The following NEK10 variants were observed in gnomAD, a reference collection of about 807,000 sequenced individuals.
The protein encoded by NEK10 is NIMA related kinase 10, also known as serine/threonine-protein kinase Nek10.
A neutral mutation model predicts 159.8 loss-of-function variants in NEK10; 122 were observed. That is an observed-to-expected ratio of 0.76 (90% confidence interval 0.66 to 0.89). The LOEUF (loss-of-function observed/expected upper bound fraction) is 0.89, where lower values mean the gene tolerates loss of function less well. Ranked by LOEUF, NEK10 falls within the 40% of genes least tolerant of loss-of-function variation. The probability of loss-of-function intolerance (pLI) is 0.00; values close to 1 mark genes in which losing one functional copy is unlikely to be tolerated. For synonymous variants in NEK10, 466 were observed against 457.1 expected, an observed-to-expected ratio of 1.02 and a Z score of -0.25; for missense variants, 1,342 against 1,323.1, an observed-to-expected ratio of 1.01 and a Z score of -0.22.
intron 30 of NEK10, among the ~76,000 whole-genome samples, chr3:27,156,128 A>C (rs1286175869): frequency 6.6e-6 from 1 of 152,104 alleles, no homozygotes; most frequent in Non-Finnish European, 1.5e-5. Flanking sequence ...CCCCATACAA[A>C]AATCAGCTCA....
chr3:27,225,025 G>A (rs1470811721), intron 23 of NEK10, among the ~76,000 whole-genome samples: 2 of 152,146 alleles, frequency 1.3e-5, no homozygotes, highest in Non-Finnish European at 2.9e-5. Context: ...GTATATAAAG[G>A]GGAGTTTATT....
At chr3:27,180,096 AAAAG>A (rs976729898) in intron 26 of NEK10, among the ~76,000 whole-genome samples, 3 of 151,190 alleles carry the variant, frequency 2.0e-5, no homozygotes, top group African/African-American at 7.3e-5. Flanking sequence ...AAAAAAGAAA[AAAAG>A]AAAGAAACAA....
chr3:27,168,158 T>C lies in NEK10; in HGVS notation c.2831+3661A>G, dbSNP rs555183822. ...ATGTACTTCCCTGTGACTTCTCTCA[T>C]TGGGCCTTTTTAAAGAGTCAGTAAG... On this transcript the variant is annotated intron_variant, in intron 29 of 35. Coordinates refer to ENST00000691995, the MANE Select transcript of NEK10 (RefSeq NM_001394966.1). Among the ~76,000 whole-genome samples the C allele has an allele frequency of 3.9e-5, 6 of 152,214 alleles. No individual in the cohort carries two copies. In the East Asian group the frequency reaches 5.8e-4, roughly 15 times the overall value.
intron 22 of NEK10, among the ~76,000 whole-genome samples, chr3:27,274,910 C>T (rs1044977672): frequency 2.0e-5 from 3 of 152,160 alleles, no homozygotes; most frequent in Non-Finnish European, 4.4e-5. Context: ...GTGAAAACAA[C>T]TCATCCAGAC....
intron 26 of NEK10, among the ~76,000 whole-genome samples, chr3:27,183,134 A>G (rs1045755570): frequency 2.0e-5 from 3 of 152,024 alleles, no homozygotes; most frequent in African/African-American, 7.2e-5. Flanking sequence ...TACCCCAATT[A>G]CCCTGATTTG....
chr3:27,145,539 G>T (rs1314260389), intron 30 of NEK10, among the ~76,000 whole-genome samples: 1 of 152,136 alleles, frequency 6.6e-6, no homozygotes, highest in South Asian at 2.1e-4. Context: ...ACGCTAAAGA[G>T]CTATTTTGTT....
intron 5 of NEK10, among the ~76,000 whole-genome samples, chr3:27,340,158 C>A: frequency 6.6e-6 from 1 of 152,138 alleles, no homozygotes; most frequent in East Asian, 1.9e-4. Context: ...ACATATACAC[C>A]ATGGAATACT....
At chr3:27,266,824 C>T (rs1001134948) in intron 22 of NEK10, among the ~76,000 whole-genome samples, 1 of 152,226 alleles carries the variant, frequency 6.6e-6, no homozygotes, top group African/African-American at 2.4e-5. Context: ...CATGCTTCCT[C>T]TCTTTCCTTG....
intron 26 of NEK10, among the ~76,000 whole-genome samples, chr3:27,181,495 G>A (rs1392398415): frequency 2.0e-5 from 3 of 152,094 alleles, no homozygotes; most frequent in Non-Finnish European, 2.9e-5. Context: ...TGCCTCAGGA[G>A]TGGCAAAGGC....
chr3:27,285,093 C>T (rs1012529681), intron 20 of NEK10, 132 bp from the exon 21 acceptor site: 1 of 674,548 alleles, frequency 1.5e-6, no homozygotes, highest in East Asian at 2.8e-5. Flanking sequence ...GGATGATGTG[C>T]TAAAATATGG....
intron 31 of NEK10, among the ~76,000 whole-genome samples, chr3:27,138,349 G>A (rs973435650): frequency 6.6e-6 from 1 of 152,212 alleles, no homozygotes; most frequent in Non-Finnish European, 1.5e-5. Context: ...AGGTCCCCCA[G>A]AGGGACACTT....
In NEK10 at chr3:27,140,444, T is replaced by C. The variant is rs890466541; in HGVS notation, c.2970+1038A>G. ...TGACTGTTTACTGGGGAAAAGGAAATACACAGGCTTTCAGCAAATACTAGA... is the reference window on the plus strand; with the variant it reads ...TGACTGTTTACTGGGGAAAAGGAAACACACAGGCTTTCAGCAAATACTAGA... On this transcript the variant is annotated intron_variant, in intron 31 of 35. Transcript: ENST00000691995. 2.6e-4 allele frequency among the ~76,000 whole-genome samples: 39 copies of C among 152,288 alleles called. 2 individuals are homozygous for C. Among genetic ancestry groups the C allele is most frequent in the Admixed American group, 2.1e-3 (32 of 15,304 alleles).
intron 23 of NEK10, among the ~76,000 whole-genome samples, chr3:27,204,313 T>G (rs1575231866): frequency 1.5e-5 from 2 of 135,144 alleles, no homozygotes; most frequent in Non-Finnish European, 3.2e-5. Flanking sequence ...TTTTTTTTTT[T>G]TTTTTTTTAT....
At chr3:27,198,509 C>A (rs574199822) in intron 25 of NEK10, among the ~76,000 whole-genome samples, 3 of 152,110 alleles carry the variant, frequency 2.0e-5, no homozygotes, top group Non-Finnish European at 4.4e-5. Context: ...TGATCTTCAA[C>A]AAACCTGACA....
chr3:27,256,392 C>G, intron 22 of NEK10, 21 bp from the exon 23 acceptor site: 1 of 1,485,356 alleles, frequency 6.7e-7, no homozygotes. Flanking sequence ...CAAAACAACG[C>G]AATATGTTAC....
In NEK10 at chr3:27,108,715, C is replaced by CT. The variant is rs1939227795; in HGVS notation, c.*2556dup. Among the ~76,000 whole-genome samples the CT allele has an allele frequency of 6.6e-6, 1 of 152,122 alleles. No individual in the cohort carries two copies. Among genetic ancestry groups the CT allele is most frequent in the Admixed American group, 6.5e-5 (1 of 15,270 alleles). ...GTCTATGAAGTTCATGTAACAACTCCTTTGCACTAATAGACAGTTTGGAGA... is the reference window on the plus strand; with the variant it reads ...GTCTATGAAGTTCATGTAACAACTCCTTTTGCACTAATAGACAGTTTGGAGA... On this transcript the variant is annotated 3_prime_UTR_variant, in exon 36 of 36. Transcript: ENST00000691995.
intron 29 of NEK10, among the ~76,000 whole-genome samples, chr3:27,170,752 C>T (rs950994742): frequency 2.6e-5 from 4 of 152,018 alleles, no homozygotes; most frequent in Non-Finnish European, 4.4e-5. Context: ...TATACAGAAA[C>T]CATAAAGTAT....
At chr3:27,362,172 G>C (rs895593932) in intron 1 of NEK10, among the ~76,000 whole-genome samples, 1 of 152,162 alleles carries the variant, frequency 6.6e-6, no homozygotes, top group Non-Finnish European at 1.5e-5. Flanking sequence ...GGGCAGGGGG[G>C]TGAACAACGG....
chr3:27,170,309 G>C (rs1946840756), intron 29 of NEK10, among the ~76,000 whole-genome samples: 1 of 152,210 alleles, frequency 6.6e-6, no homozygotes, highest in Non-Finnish European at 1.5e-5. Context: ...CCTCAGAGCA[G>C]TCTGGCAGTC....
Sources: allele counts gnomAD v4.1 joint callset (sites outside exome capture counted in the v4.1 genomes callset), GRCh38; gene constraint gnomAD v4.1.1; transcripts MANE v1.5; gene names NCBI Gene and HGNC (gene_info 2026-07-23, HGNC 2026-07-21).